ROBO2: variants seen among roughly 807,000 people sequenced by gnomAD.
The protein encoded by ROBO2 is roundabout guidance receptor 2, also known as roundabout homolog 2.
A neutral mutation model predicts 160.8 loss-of-function variants in ROBO2; 53 were observed. The observed-to-expected ratio is 0.33, with a 90% CI of 0.26 to 0.41. ROBO2 has a LOEUF of 0.41. Ranked by LOEUF, ROBO2 falls within the 10% of genes least tolerant of loss-of-function variation. ROBO2 has a pLI of 1.00. For missense variants in ROBO2, 1,577 were observed against 1,722.4 expected, an observed-to-expected ratio of 0.92 and a Z score of 1.49; for synonymous variants, 664 against 611.7, an observed-to-expected ratio of 1.09 and a Z score of -1.26.
chr3:77,121,702 A>T (rs1383508342), intron 2 of ROBO2, among the ~76,000 whole-genome samples: 1 of 152,084 alleles, frequency 6.6e-6, no homozygotes, highest in Non-Finnish European at 1.5e-5. Flanking sequence ...GTTTTATATT[A>T]TATATTAGTG....
At chr3:77,564,057 CTG>C (rs2093411751) in intron 11 of ROBO2, among the ~76,000 whole-genome samples, 1 of 152,076 alleles carries the variant, frequency 6.6e-6, no homozygotes, top group Non-Finnish European at 1.5e-5. Context: ...TGGATAACCA[CTG>C]TTTTTTTTAA....
chr3:76,667,616 G>A (rs1291908202), intron 2 of ROBO2, among the ~76,000 whole-genome samples: 1 of 145,648 alleles, frequency 6.9e-6, no homozygotes, highest in Non-Finnish European at 1.5e-5. Context: ...GAACATTAAT[G>A]ATTTGTGTAT....
intron 2 of ROBO2, among the ~76,000 whole-genome samples, chr3:76,745,939 C>T (rs982067777): frequency 1.3e-5 from 2 of 148,894 alleles, no homozygotes; most frequent in East Asian, 2.0e-4. Flanking sequence ...CCCATTAACT[C>T]GTCATTTAAC....
At chr3:77,571,942 T>TA (rs2093647294) in intron 13 of ROBO2, among the ~76,000 whole-genome samples, 1 of 151,586 alleles carries the variant, frequency 6.6e-6, no homozygotes, top group African/African-American at 2.4e-5. Context: ...ACAATCAAGT[T>TA]AAACTATTTA....
intron 2 of ROBO2, among the ~76,000 whole-genome samples, chr3:77,434,352 A>G (rs2079080959): frequency 6.6e-6 from 1 of 152,092 alleles, no homozygotes; most frequent in Non-Finnish European, 1.5e-5. Context: ...CACAACTGTA[A>G]TTAAGTAAAC....
chr3:77,418,036 C>T (rs960023358), intron 2 of ROBO2, among the ~76,000 whole-genome samples: 2 of 152,034 alleles, frequency 1.3e-5, no homozygotes, highest in Non-Finnish European at 1.5e-5. Context: ...AATGAATATA[C>T]AAACTGAACA....
intron 2 of ROBO2, among the ~76,000 whole-genome samples, chr3:76,311,961 G>C (rs562309238): frequency 6.6e-6 from 1 of 152,180 alleles, no homozygotes; most frequent in African/African-American, 2.4e-5. Context: ...TTGAAGTGTT[G>C]TAATACATTT....
At chr3:75,954,797 T>C (rs1948668714) in intron 2 of ROBO2, among the ~76,000 whole-genome samples, 1 of 151,896 alleles carries the variant, frequency 6.6e-6, no homozygotes, top group Admixed American at 6.6e-5. Context: ...AGGATACTTA[T>C]TAACATCTTG....
intron 2 of ROBO2, among the ~76,000 whole-genome samples, chr3:76,421,920 T>C (rs1390664792): frequency 6.6e-6 from 1 of 152,194 alleles, no homozygotes; most frequent in African/African-American, 2.4e-5. Context: ...GCTTTCTTTT[T>C]GTCTTCTCTT....
chr3:77,423,288 T>A (rs944623218), intron 2 of ROBO2, among the ~76,000 whole-genome samples: 2 of 152,140 alleles, frequency 1.3e-5, no homozygotes. Context: ...ATTTGTTGTG[T>A]AGTTGGTATG....
At chr3:76,247,890 A>G (rs1438799258) in intron 2 of ROBO2, among the ~76,000 whole-genome samples, 1 of 151,914 alleles carries the variant, frequency 6.6e-6, no homozygotes, top group East Asian at 1.9e-4. Flanking sequence ...ACATGAAAAA[A>G]TGCTCACCAT....
In ROBO2 at chr3:76,098,100, C is replaced by A. The variant is rs917905993; in HGVS notation, c.109+160498C>A. Among the ~76,000 whole-genome samples the A allele has an allele frequency of 1.4e-4, 22 of 152,118 alleles. 1 individual carries two copies. Among genetic ancestry groups the A allele is most frequent in the South Asian group, 8.3e-4 (4 of 4,818 alleles). On this transcript the variant is annotated intron_variant, in intron 2 of 26. Coordinates refer to the ROBO2 transcript ENST00000487694. Reference sequence around the variant, plus strand: ...TCTCTCCATACACATGTCTCTCCTTCAGTGTCATCATGTAGGTGTACGTGT... The same window carrying A: ...TCTCTCCATACACATGTCTCTCCTTAAGTGTCATCATGTAGGTGTACGTGT...
intron 2 of ROBO2, among the ~76,000 whole-genome samples, chr3:76,986,950 A>G (rs2149353060): frequency 6.6e-6 from 1 of 152,290 alleles, no homozygotes; most frequent in South Asian, 2.1e-4. Flanking sequence ...ATTCCACACT[A>G]ACTAAAATGA....
intron 2 of ROBO2, among the ~76,000 whole-genome samples, chr3:76,652,175 A>AT: frequency 6.6e-6 from 1 of 152,300 alleles, no homozygotes; most frequent in East Asian, 1.9e-4. Flanking sequence ...GTCAGCCATG[A>AT]TTTTATCTTC....
chr3:76,323,138 TACACACACACACACACAC>T (rs71874425), intron 2 of ROBO2, among the ~76,000 whole-genome samples: 6 of 144,044 alleles, frequency 4.2e-5, no homozygotes, highest in South Asian at 4.4e-4. Context: ...TTGTTAGTAT[TACACACACACACACACAC>T]ACACACACAC....
intron 2 of ROBO2, among the ~76,000 whole-genome samples, chr3:76,109,791 G>A (rs890092009): frequency 5.3e-5 from 8 of 151,638 alleles, no homozygotes; most frequent in Admixed American, 2.6e-4. Flanking sequence ...TGTACCCAGT[G>A]GACAATTTTT....
At chr3:76,489,455 T>G (rs2079693389) in intron 2 of ROBO2, among the ~76,000 whole-genome samples, 3 of 152,122 alleles carry the variant, frequency 2.0e-5, no homozygotes, top group Admixed American at 6.6e-5. Flanking sequence ...AGTTTTCTCA[T>G]GTACAAAATT....
intron 2 of ROBO2, among the ~76,000 whole-genome samples, chr3:76,522,264 T>C (rs990283002): frequency 5.3e-5 from 8 of 152,198 alleles, no homozygotes; most frequent in Non-Finnish European, 7.4e-5. Flanking sequence ...ATCTATTCTC[T>C]ACAACTCATT....
At chr3:76,712,258 C>G (rs2093309052) in intron 2 of ROBO2, among the ~76,000 whole-genome samples, 1 of 152,132 alleles carries the variant, frequency 6.6e-6, no homozygotes. Context: ...TCAAGTGGGT[C>G]CTTGTGATTT....
Sources: allele counts gnomAD v4.1 joint callset (sites outside exome capture counted in the v4.1 genomes callset), GRCh38; gene constraint gnomAD v4.1.1; transcripts MANE v1.5; gene names NCBI Gene and HGNC (gene_info 2026-07-23, HGNC 2026-07-21).